The following COL4A4 variants were observed in gnomAD, a reference collection of about 807,000 sequenced individuals.
COL4A4 encodes the protein collagen alpha-4(IV) chain.
In COL4A4, 105 loss-of-function variants were observed where a neutral mutation model predicts 192.9. The observed-to-expected ratio is 0.54, with a 90% CI of 0.46 to 0.64. The LOEUF is 0.64. Among genes scored for constraint, COL4A4 ranks in the 30% least tolerant of loss-of-function variants. The pLI is 0.00. For synonymous variants in COL4A4, 762 were observed against 769.9 expected (o/e 0.99, Z 0.17); for missense variants, 1,967 against 2,169.3 (o/e 0.91, Z 1.85).
At chr2:227,111,549 G>T (rs980397952) in intron 9 of COL4A4, 129 bp downstream of exon 9, 2 of 976,886 alleles carry the variant, frequency 2.0e-6, no homozygotes, top group South Asian at 1.3e-5. Flanking sequence ...TTTGAACAGG[G>T]AACCCACATT....
chr2:227,147,604 C>T lies in COL4A4; in HGVS notation c.-101-20G>A, dbSNP rs2063632536. ...CTGTTCCTGTTAGATATAAATATAT[C>T]ACTTAAAACACAGCATGCATTATAA... On this transcript the variant is annotated intron_variant, in intron 1 of 47. Transcript: ENST00000396625. The T allele has an allele frequency of 2.5e-6, 2 of 789,860 alleles. No individual in the cohort carries two copies. The highest frequency in any genetic ancestry group is 1.7e-5 in the African/African-American group (1 of 58,380). The allele number at this position is 789,860 out of a possible 1,614,324, so 48.9% of individuals were successfully genotyped here. A position where few individuals can be genotyped will look rare whatever the true frequency, so the allele number is the denominator to read the frequency against.
chr2:227,094,521 G>T (rs555727863), intron 19 of COL4A4, among the ~76,000 whole-genome samples: 2 of 152,160 alleles, frequency 1.3e-5, no homozygotes, highest in Admixed American at 1.3e-4. Context: ...CAGAGAGTAG[G>T]ATGGTGGTTC....
intron 25 of COL4A4, among the ~76,000 whole-genome samples, chr2:227,072,751 G>A (rs2058795811): frequency 6.6e-6 from 1 of 151,958 alleles, no homozygotes; most frequent in Non-Finnish European, 1.5e-5. Context: ...TTTAATATAT[G>A]CAAGTCAATA....
Position 227,032,589 on chromosome 2 carries a change from A to G in COL4A4, c.3578-313T>C, listed in dbSNP as rs138858168. On this transcript the variant is annotated intron_variant, in intron 38 of 47. Coordinates refer to ENST00000396625, the MANE Select transcript of COL4A4 (RefSeq NM_000092.5). Reference sequence around the variant, plus strand: ...AATGAGATACAATAAGTAATTATGCATAAGTTGCTTTGAAATTTGAGGTGG... The same window carrying G: ...AATGAGATACAATAAGTAATTATGCGTAAGTTGCTTTGAAATTTGAGGTGG... 3.8e-3 allele frequency among the ~76,000 whole-genome samples: 584 copies of G among 152,380 alleles called. 2 individuals carry two copies. Among genetic ancestry groups the G allele is most frequent in the African/African-American group, 0.013 (556 of 41,592 alleles).
chr2:227,003,049 T>C lies in COL4A4; in HGVS notation c.*4276A>G, dbSNP rs1575663295. On this transcript the variant is annotated 3_prime_UTR_variant, in exon 48 of 48. Coordinates refer to ENST00000396625, the MANE Select transcript of COL4A4 (RefSeq NM_000092.5). ...GTACTGATTTTTAATGTCAATTGTT[T>C]GTTCCCTGCAGAACTTACTGATAAT... 6.6e-6 allele frequency: 1 copy of C among 152,600 alleles called. No homozygotes were observed. The highest frequency in any genetic ancestry group is 1.5e-5 in the Non-Finnish European group (1 of 68,044). 9.5% of individuals were successfully genotyped at this position (152,600 alleles called of 1,614,324 possible). A position where few individuals can be genotyped will look rare whatever the true frequency, so the allele number is the denominator to read the frequency against.
intron 47 of COL4A4, 128 bp downstream of exon 47, chr2:227,007,890 A>G (rs1449581969): frequency 3.4e-6 from 4 of 1,188,310 alleles, no homozygotes; most frequent in Non-Finnish European, 4.8e-6. Flanking sequence ...ATGGTTTGCA[A>G]CAGTCCCCGT....
Position 227,007,307 on chromosome 2 carries a change from T to C in COL4A4, c.*18A>G, listed in dbSNP as rs746524515. The C allele has an allele frequency of 1.8e-5, 29 of 1,614,076 alleles. No individual in the cohort carries two copies. In the South Asian group the frequency reaches 3.2e-4, roughly 18 times the overall value. On this transcript the variant is annotated 3_prime_UTR_variant, in exon 48 of 48. Transcript: ENST00000396625. ...TAGGAAGTTTCTCTTGGCCACGTGT[T>C]GGTGAATTTCGCATTCTCTAGCTAT...
chr2:227,082,205 G>A lies in COL4A4; in HGVS notation c.1624-18C>T. 6.2e-7 allele frequency: 1 copy of A among 1,606,368 alleles called. No homozygotes were observed. Among genetic ancestry groups the A allele is most frequent in the Non-Finnish European group, 8.5e-7 (1 of 1,172,904 alleles). On this transcript the variant is annotated intron_variant, in intron 22 of 47. Coordinates refer to ENST00000396625, the MANE Select transcript of COL4A4 (RefSeq NM_000092.5). Reference sequence around the variant, plus strand: ...TGCTTTCCCTTGGTGAAAAATAAGAGAAACAAATTAGGTTAATTGTGATGG... The same window carrying A: ...TGCTTTCCCTTGGTGAAAAATAAGAAAAACAAATTAGGTTAATTGTGATGG...
intron 45 of COL4A4, among the ~76,000 whole-genome samples, chr2:227,011,360 C>T (rs1239707811): frequency 6.6e-6 from 1 of 152,144 alleles, no homozygotes; most frequent in East Asian, 1.9e-4. Context: ...TGTGTTTTGA[C>T]CTGTAAGGAT....
chr2:227,098,689 C>T lies in COL4A4; in HGVS notation c.1204+5G>A, dbSNP rs748967270. On this transcript the variant is annotated splice_donor_5th_base_variant and intron_variant, in intron 19 of 47. Coordinates refer to ENST00000396625, the MANE Select transcript of COL4A4 (RefSeq NM_000092.5). ...AAAAGCCAGGGCACATCAGGGCATCCGTACCTGCACAGGCTTCCCCTGGTC... is the reference window on the plus strand; with the variant it reads ...AAAAGCCAGGGCACATCAGGGCATCTGTACCTGCACAGGCTTCCCCTGGTC... 22 of 1,612,774 alleles carry T rather than the reference C, an allele frequency of 1.4e-5. No homozygotes were observed. Among genetic ancestry groups the T allele is most frequent in the Admixed American group, 1.7e-5 (1 of 60,022 alleles).
Position 227,033,413 on chromosome 2 carries a change from AAGCACCTTT to A in COL4A4, c.3565_3573del (p.Lys1189_Ala1191del). On this transcript the variant is annotated inframe_deletion, in exon 38 of 48. Transcript: ENST00000396625. ...TACGAATCGATTAGGTGCTTACCTGAAGCACCTTTAGTTCCTTTCTGACCTTTCAATCCA... is the reference window on the plus strand; with the variant it reads ...TACGAATCGATTAGGTGCTTACCTGAAGTTCCTTTCTGACCTTTCAATCCA... The A allele has an allele frequency of 6.2e-7, 1 of 1,612,794 alleles. No homozygotes were observed. Among genetic ancestry groups the A allele is most frequent in the South Asian group, 1.1e-5 (1 of 91,060 alleles).
At chr2:227,066,330 G>A (rs546506283) in intron 25 of COL4A4, among the ~76,000 whole-genome samples, 1 of 151,928 alleles carries the variant, frequency 6.6e-6, no homozygotes, top group East Asian at 1.9e-4. Flanking sequence ...AATCTAGCAA[G>A]GCAGGCCAAC....
intron 3 of COL4A4, among the ~76,000 whole-genome samples, chr2:227,143,394 G>A (rs1286550857): frequency 2.6e-5 from 4 of 152,210 alleles, no homozygotes; most frequent in South Asian, 4.2e-4. Context: ...TTCAAAATCC[G>A]GATGGGTAAT....
intron 37 of COL4A4, among the ~76,000 whole-genome samples, chr2:227,040,856 G>T (rs866097634): frequency 3.4e-4 from 51 of 152,014 alleles, no homozygotes; most frequent in African/African-American, 1.1e-3. Flanking sequence ...GAGCCACCCG[G>T]CCAAAAAAGT....
At chr2:227,100,718 G>A (rs2060461464) in intron 17 of COL4A4, among the ~76,000 whole-genome samples, 1 of 152,034 alleles carries the variant, frequency 6.6e-6, no homozygotes, top group Non-Finnish European at 1.5e-5. Context: ...ATCTCATCTT[G>A]AATGGTAACT....
Position 227,091,931 on chromosome 2 carries a change from G to T in COL4A4, c.1370-1974C>A, listed in dbSNP as rs868148614. ...GAAAGAAAGAAAGAAAGAAAGAAAAGAAAAGAAAAGAAAAGAAAAGACATG... is the reference window on the plus strand; with the variant it reads ...GAAAGAAAGAAAGAAAGAAAGAAAATAAAAGAAAAGAAAAGAAAAGACATG... On this transcript the variant is annotated intron_variant, in intron 20 of 47. Coordinates refer to ENST00000396625, the MANE Select transcript of COL4A4 (RefSeq NM_000092.5). Among the ~76,000 whole-genome samples the T allele has an allele frequency of 4.5e-3, 669 of 148,902 alleles. 5 individuals are homozygous for T. The highest frequency in any genetic ancestry group is 0.016 in the African/African-American group (631 of 40,318).
chr2:227,015,550 G>T (rs1243083597), intron 44 of COL4A4, among the ~76,000 whole-genome samples: 2 of 152,040 alleles, frequency 1.3e-5, no homozygotes, highest in Non-Finnish European at 2.9e-5. Context: ...CAGCTCCCCT[G>T]TTAGAAATTC....
intron 29 of COL4A4, 56 bp from the exon 30 acceptor site, chr2:227,056,171 C>T (rs1975300063): frequency 1.3e-6 from 2 of 1,498,138 alleles, no homozygotes; most frequent in African/African-American, 1.4e-5. Context: ...GCTTCACACA[C>T]AGCAGGAAAA....
chr2:227,139,560 G>A (rs1472534940), intron 4 of COL4A4, among the ~76,000 whole-genome samples: 1 of 152,172 alleles, frequency 6.6e-6, no homozygotes, highest in Non-Finnish European at 1.5e-5. Context: ...AAACGTTCTG[G>A]GTGGACTTGA....
Sources: gnomAD v4.1 joint callset for allele counts (sites outside exome capture counted in the v4.1 genomes callset) on GRCh38, gnomAD v4.1.1 for gene constraint, MANE v1.5 for transcripts, NCBI Gene and HGNC (gene_info 2026-07-23, HGNC 2026-07-21) for gene names.